Variants in LRRC49 observed in about 807,000 individuals in gnomAD.
LRRC49 encodes leucine rich repeat containing 49.
In LRRC49, 50 loss-of-function variants were observed where a neutral mutation model predicts 83.3. The ratio of observed to expected loss-of-function variants is 0.60; its 90% CI spans 0.48 to 0.76. The LOEUF is 0.76. Among genes scored for constraint, LRRC49 ranks in the 30% least tolerant of loss-of-function variants. The pLI, the probability that LRRC49 is intolerant of heterozygous loss-of-function variation, is 0.00. For missense variants in LRRC49, 704 were observed against 809.1 expected (o/e 0.87, Z 1.58); for synonymous variants, 286 against 283.3 (o/e 1.01, Z -0.10).
chr15:71,001,262 T>C (rs2038243646), intron 11 of LRRC49, among the ~76,000 whole-genome samples: 1 of 152,218 alleles, frequency 6.6e-6, no homozygotes, highest in African/African-American at 2.4e-5. Flanking sequence ...GTGCTATTTA[T>C]TGAGTGTTCT....
intron 9 of LRRC49, among the ~76,000 whole-genome samples, chr15:70,970,483 A>G (rs145957398): frequency 1.3e-3 from 204 of 152,212 alleles, no homozygotes; most frequent in African/African-American, 4.9e-3. Context: ...TAGTATCAGG[A>G]TGATGCTGGC....
At chr15:70,862,607 A>G (rs2032820339) in intron 1 of LRRC49, among the ~76,000 whole-genome samples, 1 of 146,496 alleles carries the variant, frequency 6.8e-6, no homozygotes, top group Non-Finnish European at 1.5e-5. Context: ...AAAAATTCTG[A>G]TGCCCTACCA....
intron 11 of LRRC49, among the ~76,000 whole-genome samples, chr15:70,995,055 G>T (rs1168885856): frequency 6.6e-6 from 1 of 152,180 alleles, no homozygotes; most frequent in African/African-American, 2.4e-5. Flanking sequence ...AGATCGCAGA[G>T]TAGCTAAGTA....
chr15:70,859,299 T>G, intron 1 of LRRC49: 3 of 810,966 alleles, frequency 3.7e-6, no homozygotes, highest in Middle Eastern at 2.4e-4. Flanking sequence ...TTTGTCCTCA[T>G]CAAGAAGGAT....
chr15:71,031,320 T>A (rs545912739), intron 14 of LRRC49, among the ~76,000 whole-genome samples: 1 of 152,062 alleles, frequency 6.6e-6, no homozygotes, highest in South Asian at 2.1e-4. Context: ...GTATCACCAG[T>A]GGAGGCTGCA....
At chr15:70,874,208 T>C (rs886240102) in intron 2 of LRRC49, among the ~76,000 whole-genome samples, 3 of 152,176 alleles carry the variant, frequency 2.0e-5, no homozygotes, top group Non-Finnish European at 4.4e-5. Flanking sequence ...CCTTCTGTTC[T>C]GACACTAACG....
intron 7 of LRRC49, among the ~76,000 whole-genome samples, chr15:70,933,536 C>T (rs1356385941): frequency 1.3e-5 from 2 of 152,156 alleles, no homozygotes; most frequent in Non-Finnish European, 2.9e-5. Flanking sequence ...CCCCCATTTC[C>T]ACTTTCCCTG....
At chr15:70,888,903 T>C (rs2141090145), upstream of LRRC49, among the ~76,000 whole-genome samples, 1 of 152,302 alleles carries the variant, frequency 6.6e-6, no homozygotes, top group African/African-American at 2.4e-5. Flanking sequence ...GCAAAAACAT[T>C]ACTACGCACT....
chr15:70,995,364 T>C (rs960029292), intron 11 of LRRC49, among the ~76,000 whole-genome samples: 1 of 152,208 alleles, frequency 6.6e-6, no homozygotes, highest in African/African-American at 2.4e-5. Context: ...AGGTTAAATA[T>C]TTTAGAGGTA....
At chr15:70,868,102 C>A (rs1000827521) in intron 1 of LRRC49, among the ~76,000 whole-genome samples, 2 of 152,130 alleles carry the variant, frequency 1.3e-5, no homozygotes, top group Non-Finnish European at 2.9e-5. Context: ...CAGACTATTC[C>A]ATTTTGCAAT....
chr15:70,886,817 G>C (rs2033420728), intron 2 of LRRC49, among the ~76,000 whole-genome samples: 1 of 151,932 alleles, frequency 6.6e-6, no homozygotes. Context: ...AGTGAGCTGA[G>C]ATTGCGCCAC....
At chr15:70,915,427 T>A (rs1178187329) in intron 6 of LRRC49, among the ~76,000 whole-genome samples, 1 of 152,190 alleles carries the variant, frequency 6.6e-6, no homozygotes, top group Admixed American at 6.5e-5. Flanking sequence ...GATCATACAA[T>A]TGTCCCCCAT....
At position 70,901,034 on chromosome 15, in the gene LRRC49, A is replaced by ATTTCT. The variant is rs757976028; in HGVS notation, c.296+24_296+28dup. The ATTTCT allele has an allele frequency of 3.2e-6, 5 of 1,539,606 alleles. No individual in the cohort carries two copies. The highest frequency in any genetic ancestry group is 1.8e-6 in the Non-Finnish European group (2 of 1,125,824). On this transcript the variant is annotated intron_variant, in intron 4 of 15. Coordinates refer to ENST00000260382, the MANE Select transcript of LRRC49 (RefSeq NM_017691.5). ...GGTTGAGCCTAGAAAGGTGAGGACA[A>ATTTCT]TTTCTTTTCTTTTCTTTTTTTTGAC...
In LRRC49 at chr15:70,977,039, G is replaced by A. The variant is rs997972463; in HGVS notation, c.922-3062G>A. Among the ~76,000 whole-genome samples, 5 of 152,056 alleles carry A rather than the reference G, an allele frequency of 3.3e-5. No homozygotes were observed. The South Asian group carries it at 6.2e-4, about 19-fold the overall frequency. On this transcript the variant is annotated intron_variant, in intron 9 of 15. Transcript: ENST00000260382. ...TTCAAAAATCTGATGAAATCATCTCGTAAGTATGTGTAGTACGTGATCCAT... is the reference window on the plus strand; with the variant it reads ...TTCAAAAATCTGATGAAATCATCTCATAAGTATGTGTAGTACGTGATCCAT...
chr15:71,041,037 T>A (rs951903499), intron 15 of LRRC49, among the ~76,000 whole-genome samples: 3 of 152,090 alleles, frequency 2.0e-5, no homozygotes, highest in African/African-American at 7.2e-5. Flanking sequence ...CCACTTAGGC[T>A]TAGAAGAGGA....
At chr15:70,917,815 C>T (rs971603771) in intron 6 of LRRC49, among the ~76,000 whole-genome samples, 10 of 152,136 alleles carry the variant, frequency 6.6e-5, no homozygotes, top group Non-Finnish European at 1.0e-4. Flanking sequence ...TCTTCCTGGT[C>T]GCAGGACAAG....
At chr15:70,853,761 T>C in intron 1 of LRRC49, 1 of 664,150 alleles carries the variant, frequency 1.5e-6, no homozygotes, top group Non-Finnish European at 2.1e-6. Flanking sequence ...CCGGAGCTGC[T>C]TCCCCGGCGG....
intron 11 of LRRC49, 106 bp downstream of exon 11, chr15:70,984,363 G>A: frequency 2.0e-6 from 2 of 980,518 alleles, no homozygotes; most frequent in East Asian, 2.7e-5. Flanking sequence ...GTTTTCTTAA[G>A]AAAACTTGCT....
chr15:70,950,705 A>T (rs1211597764), intron 8 of LRRC49, among the ~76,000 whole-genome samples: 1 of 152,086 alleles, frequency 6.6e-6, no homozygotes, highest in Non-Finnish European at 1.5e-5. Flanking sequence ...CCCATTCTGT[A>T]GGTTGTCTGT....
Sources: gnomAD v4.1 joint callset for allele counts (sites outside exome capture counted in the v4.1 genomes callset) on GRCh38, gnomAD v4.1.1 for gene constraint, MANE v1.5 for transcripts, NCBI Gene and HGNC (gene_info 2026-07-23, HGNC 2026-07-21) for gene names.